Variants in HSD17B12 observed in about 807,000 individuals in gnomAD.
The protein encoded by HSD17B12 is very-long-chain 3-oxoacyl-CoA reductase.
A neutral mutation model predicts 39.3 loss-of-function variants in HSD17B12; 32 were observed. That is an observed-to-expected ratio of 0.81 (90% CI 0.61 to 1.09). The LOEUF (loss-of-function observed/expected upper bound fraction) is 1.09, where lower values mean the gene tolerates loss of function less well. Among genes scored for constraint, HSD17B12 ranks in the 50% least tolerant of loss-of-function variants. The pLI, the probability that HSD17B12 is intolerant of heterozygous loss-of-function variation, is 0.00. For missense variants in HSD17B12, 342 were observed against 382.9 expected (o/e 0.89, Z 0.89); for synonymous variants, 150 against 146.7 (o/e 1.02, Z -0.16).
intron 1 of HSD17B12, among the ~76,000 whole-genome samples, chr11:43,702,160 C>T (rs546099262): frequency 6.6e-6 from 1 of 152,186 alleles, no homozygotes; most frequent in South Asian, 2.1e-4. Flanking sequence ...TACTTATTTT[C>T]GTATTTTGAT....
intron 4 of HSD17B12, among the ~76,000 whole-genome samples, chr11:43,801,609 T>G (rs1950969585): frequency 5.2e-5 from 1 of 19,202 alleles, no homozygotes; most frequent in East Asian, 2.2e-3. Flanking sequence ...TATATATATA[T>G]ATATATATAT....
the HSD17B12 span, among the ~76,000 whole-genome samples, chr11:43,616,416 AAC>A: frequency 3.3e-5 from 2 of 59,856 alleles, no homozygotes; most frequent in Middle Eastern, 6.9e-3. Flanking sequence ...CTAAAAAAAA[AAC>A]AAAAAACAAA....
the HSD17B12 span, among the ~76,000 whole-genome samples, chr11:43,653,935 G>A: frequency 1.3e-5 from 2 of 152,296 alleles, no homozygotes; most frequent in East Asian, 3.9e-4. Context: ...GGGTCAAATG[G>A]TATTTCTAGT....
At chr11:43,768,537 T>C (rs982768674) in intron 3 of HSD17B12, among the ~76,000 whole-genome samples, 3 of 152,196 alleles carry the variant, frequency 2.0e-5, no homozygotes, top group Non-Finnish European at 2.9e-5. Flanking sequence ...TTGAGTGTTA[T>C]ATAGCGCTTA....
intron 8 of HSD17B12, among the ~76,000 whole-genome samples, chr11:43,838,704 G>A (rs2135126804): frequency 6.6e-6 from 1 of 152,180 alleles, no homozygotes; most frequent in East Asian, 1.9e-4. Context: ...CCATAGACAG[G>A]TGACCTAGGC....
intron 7 of HSD17B12, among the ~76,000 whole-genome samples, chr11:43,836,144 T>C (rs1951368723): frequency 6.6e-6 from 1 of 152,190 alleles, no homozygotes; most frequent in Admixed American, 6.5e-5. Flanking sequence ...CCCAGCTAAC[T>C]TGAGTATAAT....
chr11:43,699,630 T>A (rs1002226844), intron 1 of HSD17B12, among the ~76,000 whole-genome samples: 2 of 152,218 alleles, frequency 1.3e-5, no homozygotes, highest in African/African-American at 4.8e-5. Flanking sequence ...ATGGAGACAT[T>A]TATTTTTCTC....
the HSD17B12 span, among the ~76,000 whole-genome samples, chr11:43,617,147 T>C: frequency 7.9e-5 from 12 of 152,278 alleles, no homozygotes; most frequent in Non-Finnish European, 1.8e-4. Flanking sequence ...ATTCATCAGC[T>C]TCAGTCACCA....
At chr11:43,650,864 TA>T in the HSD17B12 span, among the ~76,000 whole-genome samples, 55 of 152,214 alleles carry the variant, frequency 3.6e-4, 1 homozygote, top group Non-Finnish European at 2.6e-4. Context: ...TCAAAAGCTT[TA>T]TATTTTGCAG....
intron 3 of HSD17B12, among the ~76,000 whole-genome samples, chr11:43,792,756 C>G (rs933815397): frequency 7.2e-6 from 1 of 139,082 alleles, no homozygotes; most frequent in African/African-American, 2.8e-5. Flanking sequence ...CTGCAGGGCT[C>G]AAGTGATCCT....
At chr11:43,614,009 G>C in the HSD17B12 span, among the ~76,000 whole-genome samples, 1 of 152,122 alleles carries the variant, frequency 6.6e-6, no homozygotes, top group African/African-American at 2.4e-5. Context: ...TTAATTGTAA[G>C]AATTTGACAA....
intron 1 of HSD17B12, among the ~76,000 whole-genome samples, chr11:43,704,070 G>T (rs1159982606): frequency 1.3e-5 from 2 of 152,168 alleles, no homozygotes; most frequent in Non-Finnish European, 2.9e-5. Context: ...CATTTGGAAC[G>T]TGCTCCCCAG....
chr11:43,843,937 GACCC>G (rs1951450886), intron 9 of HSD17B12, among the ~76,000 whole-genome samples: 23 of 152,258 alleles, frequency 1.5e-4, no homozygotes, highest in Admixed American at 5.2e-4. Context: ...GTAAACGGGA[GACCC>G]ACCTTTTCCA....
chr11:43,793,242 TA>T (rs1279863278), intron 3 of HSD17B12, among the ~76,000 whole-genome samples: 1 of 152,162 alleles, frequency 6.6e-6, no homozygotes, highest in Non-Finnish European at 1.5e-5. Context: ...ATAATAATGT[TA>T]TAATATGGAA....
chr11:43,736,179 G>A (rs755486348), intron 1 of HSD17B12, among the ~76,000 whole-genome samples: 3 of 152,194 alleles, frequency 2.0e-5, no homozygotes, highest in Admixed American at 2.0e-4. Context: ...AAAAAATCAG[G>A]CAGAAGGCAT....
intron 3 of HSD17B12, among the ~76,000 whole-genome samples, chr11:43,771,423 C>T (rs1482289326): frequency 6.9e-6 from 1 of 144,564 alleles, no homozygotes; most frequent in Non-Finnish European, 1.5e-5. Flanking sequence ...TATATACATT[C>T]ATTTCTGTTG....
chr11:43,814,914 T>C (rs912311297), intron 4 of HSD17B12, among the ~76,000 whole-genome samples: 1 of 152,194 alleles, frequency 6.6e-6, no homozygotes, highest in African/African-American at 2.4e-5. Context: ...TACTCAAAAG[T>C]GTATGGCACA....
the HSD17B12 span, among the ~76,000 whole-genome samples, chr11:43,594,476 C>A: frequency 2.7e-5 from 4 of 150,654 alleles, no homozygotes; most frequent in Non-Finnish European, 5.9e-5. Context: ...TTAAAATATT[C>A]TATTAAATTT....
chr11:43,611,433 G>T, the HSD17B12 span, among the ~76,000 whole-genome samples: 1 of 152,200 alleles, frequency 6.6e-6, no homozygotes, highest in Non-Finnish European at 1.5e-5. Flanking sequence ...CAGAATGGTT[G>T]ATGAGCACTT....
Sources: allele counts gnomAD v4.1 joint callset (sites outside exome capture counted in the v4.1 genomes callset), GRCh38; gene constraint gnomAD v4.1.1; transcripts MANE v1.5; gene names NCBI Gene and HGNC (gene_info 2026-07-23, HGNC 2026-07-21).